TP53BP1: variants seen among roughly 807,000 people sequenced by gnomAD.
TP53BP1 encodes tumor protein p53 binding protein 1.
A neutral mutation model predicts 200.8 loss-of-function variants in TP53BP1; 61 were observed. The ratio of observed to expected loss-of-function variants is 0.30; its 90% CI spans 0.25 to 0.38. TP53BP1 has a LOEUF of 0.38. Ranked by LOEUF, TP53BP1 falls within the 10% of genes least tolerant of loss-of-function variation. TP53BP1 has a pLI of 1.00. For missense variants in TP53BP1, 2,144 were observed against 2,371.9 expected (o/e 0.90, Z 2.00); for synonymous variants, 822 against 844.3 (o/e 0.97, Z 0.46).
rs1350819090 is a variant in TP53BP1, at chr15:43,493,107, T to C, written c.-64A>G. 2.5e-6 allele frequency: 4 copies of C among 1,605,202 alleles called. No homozygotes were observed. The highest frequency in any genetic ancestry group is 3.4e-6 in the Non-Finnish European group (4 of 1,177,594). ...TGCACGCTCCCCAAGTCCCTCCAGA[T>C]CGATCCCTAGGTCGCCGCTGTCGCC... On this transcript the variant is annotated 5_prime_UTR_variant, in exon 1 of 28. Transcript: ENST00000382044.
At chr15:43,470,645 C>G (rs1013465452) in intron 10 of TP53BP1, among the ~76,000 whole-genome samples, 2 of 152,144 alleles carry the variant, frequency 1.3e-5, no homozygotes, top group Non-Finnish European at 2.9e-5. Flanking sequence ...AGACACTAAT[C>G]CTGACACACA....
chr15:43,450,256 TAAG>T (rs1379689260), intron 12 of TP53BP1, among the ~76,000 whole-genome samples: 2 of 152,256 alleles, frequency 1.3e-5, no homozygotes, highest in East Asian at 1.9e-4. Context: ...CTCTAAATGT[TAAG>T]AAGGTCTCTC....
At chr15:43,450,162 C>G (rs747251497) in intron 12 of TP53BP1, among the ~76,000 whole-genome samples, 1 of 152,166 alleles carries the variant, frequency 6.6e-6, no homozygotes, top group Non-Finnish European at 1.5e-5. Context: ...CAAAAGGAAA[C>G]TCAATACTAA....
intron 1 of TP53BP1, among the ~76,000 whole-genome samples, 184 bp downstream of exon 1, chr15:43,492,853 C>G (rs2444250): frequency 0.28 from 41,057 of 148,960 alleles, 9,691 homozygotes; most frequent in African/African-American, 0.64. Context: ...AGCCTTTCAG[C>G]TTTCCTCACG....
intron 18 of TP53BP1, among the ~76,000 whole-genome samples, chr15:43,427,699 T>A (rs2142995785): frequency 6.6e-6 from 1 of 152,268 alleles, no homozygotes; most frequent in South Asian, 2.1e-4. Context: ...CTCATGCCTG[T>A]AATCCCAGCA....
At position 43,446,525 on chromosome 15, in the gene TP53BP1, T is replaced by C. The variant is rs771267219; in HGVS notation, c.2902A>G (p.Thr968Ala). ...SDVMSESMVETHDPILGSGKG... is the reference protein window; with the variant it reads ...SDVMSESMVEAHDPILGSGKG... Reference sequence around the variant, plus strand: ...CCACTCCCAAGTATGGGATCATGGGTCTCCACCATGCTTTCAGACATGACA... The same window carrying C: ...CCACTCCCAAGTATGGGATCATGGGCCTCCACCATGCTTTCAGACATGACA... Residue 968 changes from threonine to alanine, a missense_variant, in exon 14 of 28, where the codon ACC (threonine) becomes GCC (alanine). Physicochemically the swap from Thr to Ala is moderately conservative, Grantham distance 58. This residue lies in a region of TP53BP1 where 1,700 missense variants were observed against 1,710.3 expected (regional missense o/e 0.99). Coordinates refer to ENST00000382044, the MANE Select transcript of TP53BP1 (RefSeq NM_001141980.3). 5 of 1,614,126 alleles carry C rather than the reference T, an allele frequency of 3.1e-6. No homozygotes were observed. In the South Asian group the frequency reaches 5.5e-5, roughly 18 times the overall value.
chr15:43,492,060 T>C lies in TP53BP1; in HGVS notation c.228A>G (p.Glu76=), dbSNP rs570772618. The C allele has an allele frequency of 6.2e-7, 1 of 1,614,124 alleles. No homozygotes were observed. Among genetic ancestry groups the C allele is most frequent in the South Asian group, 1.1e-5 (1 of 91,080 alleles). ...ACCCACTATTACCGTCTCCTCGTTC[T>C]TCTCCAGCTGTTTGTTCAGGATTGG... ...VVSNPEQTAG[E]ERGDGNSGFN... is the part of the protein sequence containing the mutation. The change falls in exon 3 of 28, where the codon GAA becomes GAG. Residue 76 remains glutamate, a synonymous_variant. Transcript: ENST00000382044.
rs372070338 is a variant in TP53BP1, at chr15:43,455,400, T to C, written c.2716+492A>G. On this transcript the variant is annotated intron_variant, in intron 12 of 27. Coordinates refer to ENST00000382044, the MANE Select transcript of TP53BP1 (RefSeq NM_001141980.3). ...GCTGATAAACCTCAAATATCTTTAATTGCACAAATAATTATAGCTATTAAA... is the reference window on the plus strand; with the variant it reads ...GCTGATAAACCTCAAATATCTTTAACTGCACAAATAATTATAGCTATTAAA... Among the ~76,000 whole-genome samples, 11 of 152,268 alleles carry C rather than the reference T, an allele frequency of 7.2e-5. No homozygotes were observed. In the East Asian group the frequency reaches 7.7e-4, roughly 11 times the overall value.
Position 43,407,589 on chromosome 15 carries a change from A to G in TP53BP1, c.5747-19T>C. ...GCAATATCTGCAAGGAGCAAGGGAA[A>G]GTGAAGAAGGAAAGGACACTCAACT... On this transcript the variant is annotated intron_variant, in intron 27 of 27. Coordinates refer to ENST00000382044, the MANE Select transcript of TP53BP1 (RefSeq NM_001141980.3). The G allele has an allele frequency of 1.3e-6, 2 of 1,598,950 alleles. No individual in the cohort carries two copies. The highest frequency in any genetic ancestry group is 1.7e-6 in the Non-Finnish European group (2 of 1,170,568).
intron 17 of TP53BP1, among the ~76,000 whole-genome samples, chr15:43,428,651 C>A (rs2045604402): frequency 6.6e-6 from 1 of 152,192 alleles, no homozygotes; most frequent in South Asian, 2.1e-4. Context: ...AAAGTGAAAA[C>A]CACAGTTTAT....
chr15:43,444,612 G>A (rs1450072227), intron 14 of TP53BP1, among the ~76,000 whole-genome samples: 1 of 152,130 alleles, frequency 6.6e-6, no homozygotes, highest in Non-Finnish European at 1.5e-5. Flanking sequence ...CTGTGCCTCA[G>A]TTTCCTCATC....
intron 23 of TP53BP1, chr15:43,414,017 C>G (rs1052567260): frequency 4.8e-6 from 2 of 419,680 alleles, no homozygotes; most frequent in Non-Finnish European, 9.8e-6. Context: ...AAGAGTGCCC[C>G]CAATAAGTCC....
At chr15:43,431,316 T>G (rs558656) in intron 17 of TP53BP1, among the ~76,000 whole-genome samples, 1 of 151,802 alleles carries the variant, frequency 6.6e-6, no homozygotes, top group South Asian at 2.1e-4. Context: ...ACTTCCAAAT[T>G]TTCTCTGCCA....
chr15:43,481,498 A>ATTTTTTACT (rs1555408658), intron 4 of TP53BP1, among the ~76,000 whole-genome samples: 1 of 128,854 alleles, frequency 7.8e-6, no homozygotes, highest in African/African-American at 3.1e-5. Context: ...CACACTTTTT[A>ATTTTTTACT]TTTTTTACTT....
intron 17 of TP53BP1, among the ~76,000 whole-genome samples, 195 bp downstream of exon 17, chr15:43,431,999 C>T (rs1023927883): frequency 3.9e-5 from 6 of 152,210 alleles, no homozygotes; most frequent in African/African-American, 7.2e-5. Flanking sequence ...CCCTAAAAGA[C>T]TATCTAATGG....
chr15:43,443,858 A>C (rs2045984520), intron 14 of TP53BP1, among the ~76,000 whole-genome samples: 1 of 152,234 alleles, frequency 6.6e-6, no homozygotes, highest in Non-Finnish European at 1.5e-5. Flanking sequence ...TAGAGAAAAC[A>C]ACCCTTAAAT....
At chr15:43,477,876 AT>A in intron 7 of TP53BP1, 117 bp from the exon 8 acceptor site, 2 of 705,320 alleles carry the variant, frequency 2.8e-6, no homozygotes, top group Non-Finnish European at 4.4e-6. Context: ...AGTGGCTCTA[AT>A]TTACATAATT....
At chr15:43,486,603 T>C (rs2079050481) in intron 4 of TP53BP1, among the ~76,000 whole-genome samples, 1 of 152,142 alleles carries the variant, frequency 6.6e-6, no homozygotes, top group Non-Finnish European at 1.5e-5. Flanking sequence ...CTGCTTTTCA[T>C]TATAAGCCCT....
chr15:43,465,966 C>T (rs1386799623), intron 11 of TP53BP1, among the ~76,000 whole-genome samples: 1 of 152,172 alleles, frequency 6.6e-6, no homozygotes, highest in Non-Finnish European at 1.5e-5. Flanking sequence ...GACCCTCACA[C>T]TTAACAGCAG....
Sources: allele counts gnomAD v4.1 joint callset (sites outside exome capture counted in the v4.1 genomes callset), GRCh38; gene constraint gnomAD v4.1.1; regional missense constraint gnomAD v4.1.1; transcripts MANE v1.5; gene names NCBI Gene and HGNC (gene_info 2026-07-23, HGNC 2026-07-21).